Variants in RAB27B observed in about 807,000 individuals in gnomAD.
The protein encoded by RAB27B is ras-related protein Rab-27B.
RAB27B carries 15 observed loss-of-function variants against 24.6 expected under a neutral mutation model. That is an observed-to-expected ratio of 0.61 (90% CI 0.41 to 0.94). The LOEUF is 0.94. RAB27B is among the 40% of genes least tolerant of loss of function. RAB27B has a pLI of 0.00. For missense variants in RAB27B, 261 were observed against 266.8 expected, an observed-to-expected ratio of 0.98 and a Z score of 0.15; for synonymous variants, 105 against 92.5, an observed-to-expected ratio of 1.14 and a Z score of -0.78.
chr18:54,719,973 A>C (rs1412958598), intron 2 of RAB27B, among the ~76,000 whole-genome samples: 1 of 152,108 alleles, frequency 6.6e-6, no homozygotes, highest in African/African-American at 2.4e-5. Context: ...CATTGAATTC[A>C]ATGATGATAG....
intron 2 of RAB27B, among the ~76,000 whole-genome samples, chr18:54,809,148 T>C (rs1164567361): frequency 2.0e-5 from 3 of 152,212 alleles, no homozygotes; most frequent in African/African-American, 4.8e-5. Context: ...CTAGGAAACA[T>C]TGACACCCTC....
At chr18:54,806,123 G>C (rs1909783777) in intron 2 of RAB27B, among the ~76,000 whole-genome samples, 1 of 152,160 alleles carries the variant, frequency 6.6e-6, no homozygotes, top group Non-Finnish European at 1.5e-5. Flanking sequence ...CATTGTGCTA[G>C]TGCTTCCTTT....
intron 2 of RAB27B, among the ~76,000 whole-genome samples, chr18:54,732,188 G>C (rs1909752609): frequency 6.6e-6 from 1 of 152,186 alleles, no homozygotes; most frequent in African/African-American, 2.4e-5. Context: ...CAATAAAAGA[G>C]TGATTGCTCC....
At chr18:54,765,370 T>C (rs1256778785) in intron 2 of RAB27B, among the ~76,000 whole-genome samples, 1 of 152,192 alleles carries the variant, frequency 6.6e-6, no homozygotes, top group African/African-American at 2.4e-5. Context: ...AAGTTCTATA[T>C]TCCCAAGAAT....
At chr18:54,834,147 A>G (rs1004343662) in intron 1 of RAB27B, among the ~76,000 whole-genome samples, 2 of 152,260 alleles carry the variant, frequency 1.3e-5, no homozygotes, top group African/African-American at 4.8e-5. Context: ...GTTATAAAAT[A>G]TAAAACAGAT....
At chr18:54,728,875 CAAAAAAAAA>C (rs56161105) in intron 2 of RAB27B, among the ~76,000 whole-genome samples, 3 of 36,668 alleles carry the variant, frequency 8.2e-5, no homozygotes, top group African/African-American at 1.2e-4. Context: ...GACTCTGTCT[CAAAAAAAAA>C]AAAAAAAAAA....
intron 2 of RAB27B, among the ~76,000 whole-genome samples, chr18:54,769,577 G>T (rs1908479558): frequency 6.6e-6 from 1 of 151,994 alleles, no homozygotes; most frequent in Admixed American, 6.6e-5. Flanking sequence ...CCATACAAAA[G>T]ATCTAACTTT....
chr18:54,780,853 T>C (rs546886408), intron 2 of RAB27B, among the ~76,000 whole-genome samples: 139 of 152,176 alleles, frequency 9.1e-4, no homozygotes, highest in Non-Finnish European at 1.8e-3. Context: ...AACGACTGGA[T>C]AAACCACCTG....
At chr18:54,846,244 T>C (rs564522567) in intron 1 of RAB27B, among the ~76,000 whole-genome samples, 2 of 152,316 alleles carry the variant, frequency 1.3e-5, no homozygotes, top group African/African-American at 4.8e-5. Context: ...ACAAATCAAC[T>C]ATATATTATA....
At chr18:54,767,934 A>T (rs1409519839) in intron 2 of RAB27B, among the ~76,000 whole-genome samples, 3 of 152,148 alleles carry the variant, frequency 2.0e-5, no homozygotes, top group African/African-American at 2.4e-5. Context: ...AGGTGGTGGG[A>T]AAATTAAATA....
chr18:54,879,594 A>G, intron 3 of RAB27B, 140 bp downstream of exon 3: 1 of 709,738 alleles, frequency 1.4e-6, no homozygotes, highest in East Asian at 2.7e-5. Flanking sequence ...ATCCAGAAAT[A>G]AAAATAAATG....
At position 54,869,744 on chromosome 18, in the gene RAB27B, C is replaced by T. The variant is rs150738482; in HGVS notation, c.-19-7823C>T. On this transcript the variant is annotated intron_variant, in intron 1 of 5. Transcript: ENST00000262094. Reference sequence around the variant, plus strand: ...CTGGTGCTTTGTTTTCCAAAGCCTTCCACAAATAGGTTCAAATATATAGAA... The same window carrying T: ...CTGGTGCTTTGTTTTCCAAAGCCTTTCACAAATAGGTTCAAATATATAGAA... 2.0e-3 allele frequency among the ~76,000 whole-genome samples: 307 copies of T among 152,138 alleles called. 1 individual carries two copies. The highest frequency in any genetic ancestry group is 6.9e-3 in the African/African-American group (285 of 41,504).
At chr18:54,813,074 TG>T (rs895597339) in intron 2 of RAB27B, among the ~76,000 whole-genome samples, 1 of 152,200 alleles carries the variant, frequency 6.6e-6, no homozygotes, top group African/African-American at 2.4e-5. Context: ...TGCTTTCGGT[TG>T]TGGCTTTTCT....
At chr18:54,823,478 A>G (rs1415857310), upstream of RAB27B, among the ~76,000 whole-genome samples, 1 of 152,244 alleles carries the variant, frequency 6.6e-6, no homozygotes, top group Non-Finnish European at 1.5e-5. Context: ...TATCATGACC[A>G]GAAGGTCAGT....
chr18:54,773,049 ACTT>A (rs10693480), intron 2 of RAB27B, among the ~76,000 whole-genome samples: 1 of 151,724 alleles, frequency 6.6e-6, no homozygotes, highest in African/African-American at 2.4e-5. Context: ...CCATGCCTAT[ACTT>A]CTTTTTTTTT....
chr18:54,836,089 C>G (rs1250259438), intron 1 of RAB27B, among the ~76,000 whole-genome samples: 3 of 151,958 alleles, frequency 2.0e-5, no homozygotes, highest in Non-Finnish European at 4.4e-5. Context: ...TGCAGGTACA[C>G]CAACCTGCAG....
At chr18:54,853,913 T>C (rs981314377) in intron 1 of RAB27B, among the ~76,000 whole-genome samples, 1 of 152,222 alleles carries the variant, frequency 6.6e-6, no homozygotes, top group Non-Finnish European at 1.5e-5. Context: ...GCTTTTTGCC[T>C]GTGGCTTCTT....
chr18:54,776,093 T>A (rs977259872), intron 2 of RAB27B, among the ~76,000 whole-genome samples: 4 of 152,374 alleles, frequency 2.6e-5, no homozygotes, highest in African/African-American at 9.6e-5. Flanking sequence ...TGAATTTGCT[T>A]GGCGGTGTTT....
At position 54,884,419 on chromosome 18, in the gene RAB27B, A is replaced by C; in HGVS notation, c.326A>C (p.Asn109Thr). Residue 109 changes from asparagine (N) to threonine (T), a missense_variant, in exon 4 of 6, where the codon AAT (asparagine) becomes ACT (threonine). Asn to Thr is a moderately conservative substitution (Grantham distance 65). Coordinates refer to ENST00000262094, the MANE Select transcript of RAB27B (RefSeq NM_004163.4). ...FDLTSQQSFLNVRNWMSQLQA... is the reference protein window; with the variant it reads ...FDLTSQQSFLTVRNWMSQLQA... ...CTCACCAGTCAACAGAGCTTCTTAA[A>C]TGTCAGAAACTGGATGAGTAAGTGG... The C allele has an allele frequency of 6.2e-7, 1 of 1,609,180 alleles. No homozygotes were observed. The highest frequency in any genetic ancestry group is 8.5e-7 in the Non-Finnish European group (1 of 1,175,906).
Sources: gnomAD v4.1 joint callset for allele counts (sites outside exome capture counted in the v4.1 genomes callset) on GRCh38, gnomAD v4.1.1 for gene constraint, MANE v1.5 for transcripts, NCBI Gene and HGNC (gene_info 2026-07-23, HGNC 2026-07-21) for gene names.